Variants in C1orf21 observed in about 807,000 individuals in gnomAD.
C1orf21 encodes the protein chromosome 1 open reading frame 21.
A neutral mutation model predicts 18.7 loss-of-function variants in C1orf21; 3 were observed. That is an observed-to-expected ratio of 0.16 (90% CI 0.07 to 0.42). C1orf21 has a LOEUF of 0.42. Among genes scored for constraint, C1orf21 ranks in the 10% least tolerant of loss-of-function variants. C1orf21 has a pLI of 0.99. For missense variants in C1orf21, 104 were observed against 143.6 expected (o/e 0.72, Z 1.41); for synonymous variants, 41 against 46.4 (o/e 0.88, Z 0.47).
chr1:184,570,948 G>A (rs1288172382), intron 3 of C1orf21, among the ~76,000 whole-genome samples: 3 of 152,148 alleles, frequency 2.0e-5, no homozygotes, highest in East Asian at 1.9e-4. Flanking sequence ...TCTTGCAAGC[G>A]TTTATACACA....
intron 1 of C1orf21, among the ~76,000 whole-genome samples, chr1:184,411,309 G>A (rs1325071981): frequency 6.6e-6 from 1 of 151,480 alleles, no homozygotes; most frequent in Non-Finnish European, 1.5e-5. Flanking sequence ...GTAGTAGAAT[G>A]TTGCTTGCTG....
At chr1:184,417,023 T>A (rs552405335) in intron 1 of C1orf21, among the ~76,000 whole-genome samples, 1 of 152,282 alleles carries the variant, frequency 6.6e-6, no homozygotes, top group African/African-American at 2.4e-5. Context: ...CCTGAATGGG[T>A]ATTGCCTATG....
At chr1:184,428,370 G>A (rs1206240923) in intron 1 of C1orf21, among the ~76,000 whole-genome samples, 2 of 152,190 alleles carry the variant, frequency 1.3e-5, no homozygotes, top group Non-Finnish European at 2.9e-5. Flanking sequence ...CTGAGAAGAG[G>A]AAGAGGATAG....
intron 3 of C1orf21, among the ~76,000 whole-genome samples, chr1:184,537,272 A>C (rs1658571695): frequency 6.6e-6 from 1 of 152,164 alleles, no homozygotes; most frequent in Non-Finnish European, 1.5e-5. Flanking sequence ...TTCTGTACCC[A>C]TTACACAGTA....
chr1:184,388,185 G>C (rs1655916816), intron 1 of C1orf21, among the ~76,000 whole-genome samples: 1 of 152,134 alleles, frequency 6.6e-6, no homozygotes, highest in African/African-American at 2.4e-5. Flanking sequence ...GTTTGTGTGA[G>C]AGAAGTCCTG....
At chr1:184,600,323 C>T (rs1484380405) in intron 5 of C1orf21, among the ~76,000 whole-genome samples, 2 of 152,040 alleles carry the variant, frequency 1.3e-5, no homozygotes, top group African/African-American at 4.8e-5. Flanking sequence ...TGTGTCACCA[C>T]GCCCAGCTAA....
chr1:184,425,906 T>G (rs1412441674), intron 1 of C1orf21, among the ~76,000 whole-genome samples: 5 of 152,224 alleles, frequency 3.3e-5, no homozygotes, highest in Non-Finnish European at 5.9e-5. Flanking sequence ...TCCTTGAGAA[T>G]GGAGACCATA....
intron 5 of C1orf21, among the ~76,000 whole-genome samples, chr1:184,609,680 A>G (rs1010942361): frequency 1.2e-4 from 19 of 152,210 alleles, no homozygotes; most frequent in Non-Finnish European, 2.2e-4. Flanking sequence ...AATAGCATGG[A>G]AATCTTCCAC....
At chr1:184,403,746 A>C (rs1334441875) in intron 1 of C1orf21, among the ~76,000 whole-genome samples, 1 of 152,166 alleles carries the variant, frequency 6.6e-6, no homozygotes, top group Non-Finnish European at 1.5e-5. Flanking sequence ...TTAATTTTTT[A>C]TTTAGTGGCA....
intron 1 of C1orf21, among the ~76,000 whole-genome samples, chr1:184,462,548 G>T (rs1657323159): frequency 6.6e-6 from 1 of 152,058 alleles, no homozygotes; most frequent in East Asian, 1.9e-4. Flanking sequence ...ACATTCTGTT[G>T]CTAGGTTACT....
chr1:184,576,813 G>A (rs1384688278), intron 3 of C1orf21, among the ~76,000 whole-genome samples: 1 of 150,938 alleles, frequency 6.6e-6, no homozygotes, highest in East Asian at 1.9e-4. Flanking sequence ...ACCCTTCAGA[G>A]GCTCTCCCCA....
intron 4 of C1orf21, among the ~76,000 whole-genome samples, chr1:184,594,258 G>A (rs1470268990): frequency 2.0e-5 from 3 of 152,124 alleles, no homozygotes; most frequent in Admixed American, 6.5e-5. Context: ...GAAAAACTGT[G>A]TTCAGGCCAA....
chr1:184,612,934 A>T (rs1659760734), intron 5 of C1orf21, among the ~76,000 whole-genome samples: 1 of 151,978 alleles, frequency 6.6e-6, no homozygotes, highest in South Asian at 2.1e-4. Flanking sequence ...GCTGTGCCTA[A>T]TTCTTTTTCC....
chr1:184,479,797 A>G (rs1258073018), intron 2 of C1orf21, among the ~76,000 whole-genome samples: 2 of 151,230 alleles, frequency 1.3e-5, no homozygotes, highest in Non-Finnish European at 2.9e-5. Context: ...AATTTTTTAT[A>G]TTTTTAATAG....
At chr1:184,595,635 G>A (rs1478098364) in intron 4 of C1orf21, among the ~76,000 whole-genome samples, 1 of 152,202 alleles carries the variant, frequency 6.6e-6, no homozygotes, top group Non-Finnish European at 1.5e-5. Context: ...GAACAGCAGA[G>A]TAGGCCTCAT....
intron 2 of C1orf21, among the ~76,000 whole-genome samples, chr1:184,494,982 G>A (rs1373807526): frequency 6.6e-6 from 1 of 152,130 alleles, no homozygotes; most frequent in Non-Finnish European, 1.5e-5. Flanking sequence ...GCCCAAGTGA[G>A]GAGAAGTGCT....
chr1:184,589,128 T>C (rs1659400954), intron 3 of C1orf21, among the ~76,000 whole-genome samples: 1 of 152,228 alleles, frequency 6.6e-6, no homozygotes, highest in African/African-American at 2.4e-5. Flanking sequence ...GCCTCAGCAA[T>C]GTTTAAAATT....
chr1:184,606,287 A>G (rs1034717329), intron 5 of C1orf21, among the ~76,000 whole-genome samples: 1 of 152,208 alleles, frequency 6.6e-6, no homozygotes, highest in Non-Finnish European at 1.5e-5. Flanking sequence ...TTTAAAAGAT[A>G]TTCATTGGCC....
chr1:184,456,561 G>T (rs74131680), intron 1 of C1orf21, among the ~76,000 whole-genome samples: 2,290 of 152,216 alleles, frequency 0.015, 47 homozygotes, highest in African/African-American at 0.051. Context: ...CAGTTCCACT[G>T]TTCCTCTTTA....
Sources: allele counts gnomAD v4.1 joint callset (sites outside exome capture counted in the v4.1 genomes callset), GRCh38; gene constraint gnomAD v4.1.1; transcripts MANE v1.5; gene names NCBI Gene and HGNC (gene_info 2026-07-23, HGNC 2026-07-21).